PADI3: variants seen among roughly 807,000 people sequenced by gnomAD.
PADI3 encodes the protein peptidyl arginine deiminase 3.
PADI3 carries 53 observed loss-of-function variants against 71.5 expected under a neutral mutation model. The ratio of observed to expected loss-of-function variants is 0.74; its 90% confidence interval spans 0.59 to 0.93. The LOEUF is 0.93. Ranked by LOEUF, PADI3 falls within the 40% of genes least tolerant of loss-of-function variation. The pLI is 0.00. For synonymous variants in PADI3, 361 were observed against 347.5 expected (o/e 1.04, Z -0.43); for missense variants, 821 against 868.0 (o/e 0.95, Z 0.68).
intron 2 of PADI3, 70 bp from the exon 3 acceptor site, chr1:17,262,063 C>T (rs932736955): frequency 7.1e-7 from 1 of 1,403,360 alleles, no homozygotes; most frequent in African/African-American, 1.4e-5. Flanking sequence ...TACCAGATCC[C>T]CGAGAGCTAT....
In PADI3 at chr1:17,279,693, C is replaced by T. The variant is rs189469333; in HGVS notation, c.1556-657C>T. 2.1e-3 allele frequency among the ~76,000 whole-genome samples: 324 copies of T among 152,234 alleles called. 1 individual carries two copies. The Middle Eastern group carries it at 0.024, about 11-fold the overall frequency. On this transcript the variant is annotated intron_variant, in intron 13 of 15. Coordinates refer to ENST00000375460, the MANE Select transcript of PADI3 (RefSeq NM_016233.2). ...ATAATGCATACCTTGTGGGGGTCAC[C>T]GTGAGGGTTAAATGAGATGCTGAAC...
rs769850490 is a variant in PADI3 at position 17,266,777 on chromosome 1, G to C, written c.467G>C (p.Arg156Pro). The change falls in exon 5 of 16, where the codon CGT (arginine) becomes CCT (proline). Residue 156 changes from arginine (R) to proline (P), a missense_variant. Coordinates refer to ENST00000375460, the MANE Select transcript of PADI3 (RefSeq NM_016233.2). The stretch of plus-strand genomic sequence containing the variant: ...GGCATCTTGCTGGTGAACTGTGACC[G>C]TGATGATCCGAGCTGTGATGTCCAG... ...YGGILLVNCD[R>P]DDPSCDVQDN... 1.2e-5 allele frequency: 20 copies of C among 1,614,142 alleles called. No individual in the cohort carries two copies. In the East Asian group the frequency reaches 4.5e-4, roughly 36 times the overall value.
intron 1 of PADI3, among the ~76,000 whole-genome samples, chr1:17,253,347 A>G (rs2072988696): frequency 6.6e-6 from 1 of 152,224 alleles, no homozygotes. Flanking sequence ...CCTAGAGGGC[A>G]GCTGAGTCTG....
chr1:17,255,142 T>C (rs1385468295), intron 1 of PADI3, among the ~76,000 whole-genome samples: 1 of 152,246 alleles, frequency 6.6e-6, no homozygotes, highest in East Asian at 1.9e-4. Context: ...ATCTGCATTT[T>C]CAATAAGGTG....
At chr1:17,271,016 C>G in intron 8 of PADI3, 34 bp downstream of exon 8, 1 of 1,613,066 alleles carries the variant, frequency 6.2e-7, no homozygotes, top group East Asian at 2.2e-5. Flanking sequence ...TCCCTCTGGC[C>G]CCCAGGCCCC....
At chr1:17,256,032 C>G (rs2073022990) in intron 1 of PADI3, among the ~76,000 whole-genome samples, 1 of 152,194 alleles carries the variant, frequency 6.6e-6, no homozygotes, top group South Asian at 2.1e-4. Flanking sequence ...TCATTATAGC[C>G]TGAGTCTAAA....
chr1:17,274,491 C>T lies in PADI3; in HGVS notation c.1156-144C>T, dbSNP rs1463942363. 6 of 668,706 alleles carry T rather than the reference C, an allele frequency of 9.0e-6. No individual in the cohort carries two copies. In the East Asian group the frequency reaches 1.7e-4, roughly 18 times the overall value. The allele number at this position is 668,706 out of a possible 1,614,324, so 41.4% of individuals were successfully genotyped here. Reference sequence around the variant, plus strand: ...GAAATATTGACTGGGTCAGATCCCCCACCCACCGCCAATGACTCTGTATTT... The same window carrying T: ...GAAATATTGACTGGGTCAGATCCCCTACCCACCGCCAATGACTCTGTATTT... On this transcript the variant is annotated intron_variant, in intron 10 of 15. Coordinates refer to ENST00000375460, the MANE Select transcript of PADI3 (RefSeq NM_016233.2).
At position 17,262,064 on chromosome 1, in the gene PADI3, C is replaced by T. The variant is rs959565403; in HGVS notation, c.274-69C>T. On this transcript the variant is annotated intron_variant, in intron 2 of 15. Coordinates refer to ENST00000375460, the MANE Select transcript of PADI3 (RefSeq NM_016233.2). ...CCCCCTCCCCTCCTTACCAGATCCC[C>T]GAGAGCTATCTTTTGGGGCGGGAGC... 64 of 1,410,056 alleles carry T rather than the reference C, an allele frequency of 4.5e-5. No homozygotes were observed. The Middle Eastern group carries it at 5.3e-4, about 12-fold the overall frequency. 87.3% of individuals were successfully genotyped at this position (1,410,056 alleles called of 1,614,324 possible).
chr1:17,276,719 T>A, intron 12 of PADI3, 55 bp from the exon 13 acceptor site: 1 of 1,613,802 alleles, frequency 6.2e-7, no homozygotes, highest in Non-Finnish European at 8.5e-7. Flanking sequence ...AGAACTGAGC[T>A]CCAGGGCGCC....
chr1:17,280,572 C>T (rs1385532584), intron 14 of PADI3, 99 bp from the exon 15 acceptor site: 5 of 1,572,500 alleles, frequency 3.2e-6, no homozygotes, highest in Non-Finnish European at 4.4e-6. Context: ...CCAACACCCT[C>T]TTTTGACCCA....
At chr1:17,280,637 G>A (rs375851060) in intron 14 of PADI3, 34 bp from the exon 15 acceptor site, 49 of 1,613,558 alleles carry the variant, frequency 3.0e-5, no homozygotes, top group Non-Finnish European at 4.0e-5. Context: ...ACACTGGCAA[G>A]GTGTCCCCAA....
In PADI3 at chr1:17,282,995, C is replaced by T; in HGVS notation, c.1911C>T (p.Tyr637=). The T allele has an allele frequency of 6.2e-7, 1 of 1,614,218 alleles. No individual in the cohort carries two copies. The highest frequency in any genetic ancestry group is 1.1e-5 in the South Asian group (1 of 91,086). ...CCTTCATTGATGACTTCACTCCATA[C>T]CACATGCTGCATGGGGAGGTGCACT... ...HCTFIDDFTP[Y]HMLHGEVHCG... The change falls in exon 16 of 16, where the codon TAC becomes TAT. Residue 637 remains tyrosine (Y), a synonymous_variant. Transcript: ENST00000375460.
intron 6 of PADI3, among the ~76,000 whole-genome samples, chr1:17,269,511 G>A (rs2073217288): frequency 6.6e-6 from 1 of 152,160 alleles, no homozygotes; most frequent in South Asian, 2.1e-4. Context: ...CACTGTAGTT[G>A]CACAGTAAAT....
At chr1:17,274,501 C>T (rs567648158) in intron 10 of PADI3, 134 bp from the exon 11 acceptor site, 1 of 738,594 alleles carries the variant, frequency 1.4e-6, no homozygotes, top group South Asian at 1.8e-5. Flanking sequence ...CACCCACCGC[C>T]AATGACTCTG....
chr1:17,252,774 C>G (rs2072982093), intron 1 of PADI3, among the ~76,000 whole-genome samples: 1 of 152,212 alleles, frequency 6.6e-6, no homozygotes, highest in Non-Finnish European at 1.5e-5. Context: ...TCCTCAGGGC[C>G]TCTGTCATTG....
In PADI3 at chr1:17,249,215, C is replaced by A; in HGVS notation, c.78C>A (p.Leu26=). ...SAVCVAGVET[L]VDIYGSVPEG... ...TGTGTGTGGCTGGCGTGGAGACCCTCGTGGACATTTATGGGTAAGAGTCAG... is the reference window on the plus strand; with the variant it reads ...TGTGTGTGGCTGGCGTGGAGACCCTAGTGGACATTTATGGGTAAGAGTCAG... The change falls in exon 1 of 16, where the codon CTC becomes CTA. Residue 26 remains leucine (L), a synonymous_variant. Transcript: ENST00000375460. 1 of 1,613,824 alleles carries A rather than the reference C, an allele frequency of 6.2e-7. No individual in the cohort carries two copies. The highest frequency in any genetic ancestry group is 8.5e-7 in the Non-Finnish European group (1 of 1,179,720).
At chr1:17,261,825 C>A (rs543142660) in intron 2 of PADI3, among the ~76,000 whole-genome samples, 1 of 152,332 alleles carries the variant, frequency 6.6e-6, no homozygotes, top group African/African-American at 2.4e-5. Context: ...CCAAACCCTG[C>A]CCAGCCCAAA....
chr1:17,276,480 T>C, intron 11 of PADI3, 39 bp from the exon 12 acceptor site: 1 of 1,611,720 alleles, frequency 6.2e-7, no homozygotes, highest in Non-Finnish European at 8.5e-7. Flanking sequence ...TGGAGTCTTT[T>C]TAGTTAAGCA....
chr1:17,260,250 G>C (rs996219197), intron 2 of PADI3, among the ~76,000 whole-genome samples: 2 of 152,182 alleles, frequency 1.3e-5, no homozygotes, highest in East Asian at 3.9e-4. Context: ...ATTTCCCCAA[G>C]GCGCTTTGCT....
Sources: allele counts gnomAD v4.1 joint callset (sites outside exome capture counted in the v4.1 genomes callset), GRCh38; gene constraint gnomAD v4.1.1; transcripts MANE v1.5; gene names NCBI Gene and HGNC (gene_info 2026-07-23, HGNC 2026-07-21).